Variants in FER observed in about 807,000 individuals in gnomAD.
The protein encoded by FER is FER tyrosine kinase, also known as tyrosine-protein kinase Fer.
A neutral mutation model predicts 111.0 loss-of-function variants in FER; 63 were observed. That is an observed-to-expected ratio of 0.57 (90% CI 0.46 to 0.70). The LOEUF (loss-of-function observed/expected upper bound fraction) is 0.70. FER is among the 30% of genes least tolerant of loss of function. The probability of loss-of-function intolerance (pLI) is 0.00; values close to 1 mark genes in which losing one functional copy is unlikely to be tolerated. For synonymous variants in FER, 327 were observed against 313.9 expected (o/e 1.04, Z -0.44); for missense variants, 914 against 954.0 (o/e 0.96, Z 0.55).
intron 10 of FER, among the ~76,000 whole-genome samples, chr5:108,925,261 T>C (rs1753577485): frequency 6.6e-6 from 1 of 152,028 alleles, no homozygotes. Flanking sequence ...TTATTTTCAA[T>C]GTCTGTCACC....
intron 3 of FER, chr5:108,820,027 G>C (rs752032868): frequency 1.4e-4 from 142 of 985,064 alleles, no homozygotes; most frequent in Non-Finnish European, 1.7e-4. Context: ...GGCTTGTCTA[G>C]GACATGGAAA....
intron 5 of FER, among the ~76,000 whole-genome samples, chr5:108,857,066 A>G (rs1165379167): frequency 6.6e-6 from 1 of 152,212 alleles, no homozygotes; most frequent in African/African-American, 2.4e-5. Flanking sequence ...AAGAATTCCC[A>G]TATACCGTTC....
intron 13 of FER, among the ~76,000 whole-genome samples, chr5:109,006,633 C>G (rs1765537118): frequency 6.6e-6 from 1 of 152,096 alleles, no homozygotes; most frequent in South Asian, 2.1e-4. Context: ...GAAATTAGCT[C>G]TCTTAGCTTT....
intron 3 of FER, among the ~76,000 whole-genome samples, chr5:108,816,763 T>G (rs1050872337): frequency 1.3e-5 from 2 of 152,112 alleles, no homozygotes; most frequent in Non-Finnish European, 2.9e-5. Flanking sequence ...GCCTGTTAAA[T>G]AAGAATCTAT....
chr5:108,990,381 A>G (rs1763025643), intron 13 of FER, among the ~76,000 whole-genome samples: 1 of 151,940 alleles, frequency 6.6e-6, no homozygotes, highest in Admixed American at 6.5e-5. Flanking sequence ...TGTATATTAC[A>G]TATTGATTTA....
At position 108,908,131 on chromosome 5, in the gene FER, G is replaced by A. The variant is rs547536274; in HGVS notation, c.1236+10283G>A. Among the ~76,000 whole-genome samples the A allele has an allele frequency of 6.6e-5, 10 of 152,076 alleles. No individual in the cohort carries two copies. In the South Asian group the frequency reaches 1.0e-3, roughly 16 times the overall value. ...ATAGAGGTAGTATTACCTGGCGTTC[G>A]TTTTGTGTTAATTAAAAAACAAAAA... is the stretch of plus-strand genomic sequence containing the variant. On this transcript the variant is annotated intron_variant, in intron 10 of 19. Transcript: ENST00000281092.
At position 109,130,503 on chromosome 5, in the gene FER, C is replaced by G. The variant is rs1289355244; in HGVS notation, c.2048+29984C>G. On this transcript the variant is annotated intron_variant, in intron 17 of 19. Transcript: ENST00000281092. ...TTAGTAGCCACATTAAAAATATAAA[C>G]AGAAACAAAATAAAATGATATAAAA... Among the ~76,000 whole-genome samples, 3 of 89,648 alleles carry G rather than the reference C, an allele frequency of 3.3e-5. No homozygotes were observed. The African/African-American group carries it at 3.7e-4, about 11-fold the overall frequency. 58.8% of individuals were successfully genotyped at this position (89,648 alleles called of 152,430 possible). A position where few individuals can be genotyped will look rare whatever the true frequency, so the allele number is the denominator to read the frequency against.
intron 16 of FER, among the ~76,000 whole-genome samples, chr5:109,097,021 AAATAGT>A (rs1480071573): frequency 6.7e-6 from 1 of 148,918 alleles, no homozygotes; most frequent in African/African-American, 2.4e-5. Context: ...ATAGTATAAT[AAATAGT>A]AATAGTATTT....
At chr5:108,971,685 T>C (rs1760684267) in intron 13 of FER, among the ~76,000 whole-genome samples, 1 of 152,120 alleles carries the variant, frequency 6.6e-6, no homozygotes, top group Non-Finnish European at 1.5e-5. Flanking sequence ...ATAAAGAACA[T>C]TCTACATCAG....
At chr5:108,863,080 G>A (rs1260603672) in intron 5 of FER, among the ~76,000 whole-genome samples, 2 of 152,148 alleles carry the variant, frequency 1.3e-5, no homozygotes, top group African/African-American at 4.8e-5. Context: ...ACTTTTAGAT[G>A]GAAGGCTGTG....
chr5:109,155,963 G>A (rs1582294616), intron 17 of FER, among the ~76,000 whole-genome samples: 1 of 151,978 alleles, frequency 6.6e-6, no homozygotes, highest in East Asian at 1.9e-4. Flanking sequence ...CAGTTAAGTG[G>A]ATTTGTAACA....
At chr5:108,789,664 G>A (rs958774321) in intron 2 of FER, among the ~76,000 whole-genome samples, 1 of 151,264 alleles carries the variant, frequency 6.6e-6, no homozygotes, top group Non-Finnish European at 1.5e-5. Flanking sequence ...TGGCTGGAGT[G>A]CAGTCTTGGC....
chr5:108,891,128 G>A (rs1404207250), intron 9 of FER, among the ~76,000 whole-genome samples: 1 of 152,076 alleles, frequency 6.6e-6, no homozygotes, highest in Non-Finnish European at 1.5e-5. Flanking sequence ...AATGAATGAT[G>A]TTCTGGAACA....
intron 13 of FER, among the ~76,000 whole-genome samples, chr5:109,033,150 A>C (rs1246002223): frequency 1.3e-5 from 2 of 152,122 alleles, no homozygotes; most frequent in African/African-American, 4.8e-5. Flanking sequence ...TCATTCATTA[A>C]CCTGTGGACT....
chr5:109,194,234 C>A lies in FER; in HGVS notation c.*6659C>A, dbSNP rs1199729164. 2.6e-5 allele frequency: 4 copies of A among 152,186 alleles called. No homozygotes were observed. The highest frequency in any genetic ancestry group is 5.9e-5 in the Non-Finnish European group (4 of 68,038). 9.4% of individuals were successfully genotyped at this position (152,186 alleles called of 1,614,324 possible). A position where few individuals can be genotyped will look rare whatever the true frequency, so the allele number is the denominator to read the frequency against. On this transcript the variant is annotated 3_prime_UTR_variant, in exon 20 of 20. Transcript: ENST00000281092. ...CCAATACCTTTTGTTGTTTTCTTCA[C>A]ACTCCTCTTGGCAGCAAATGTCTGA...
chr5:109,026,131 T>C (rs1231470839), intron 13 of FER, among the ~76,000 whole-genome samples: 1 of 152,186 alleles, frequency 6.6e-6, no homozygotes, highest in Non-Finnish European at 1.5e-5. Context: ...AAGTTTATTT[T>C]ATAAGTAGGG....
chr5:109,124,218 C>T (rs6895203), intron 17 of FER, among the ~76,000 whole-genome samples: 1 of 152,150 alleles, frequency 6.6e-6, no homozygotes, highest in Non-Finnish European at 1.5e-5. Context: ...CAGAGCAAGA[C>T]CCTGTCTCAA....
chr5:108,760,437 T>C (rs2149930398), intron 1 of FER, among the ~76,000 whole-genome samples: 1 of 152,344 alleles, frequency 6.6e-6, no homozygotes, highest in African/African-American at 2.4e-5. Context: ...TCTGTAGCTA[T>C]GAAAGTCCCA....
intron 17 of FER, among the ~76,000 whole-genome samples, chr5:109,123,520 G>T (rs1751281613): frequency 6.6e-6 from 1 of 151,256 alleles, no homozygotes. Flanking sequence ...TTAATTTCTT[G>T]CTTTTTATTT....
Sources: allele counts gnomAD v4.1 joint callset (sites outside exome capture counted in the v4.1 genomes callset), GRCh38; gene constraint gnomAD v4.1.1; transcripts MANE v1.5; gene names NCBI Gene and HGNC (gene_info 2026-07-23, HGNC 2026-07-21).